Variants in RGS10 observed in about 807,000 individuals in gnomAD.
The protein encoded by RGS10 is regulator of G-protein signalling 10.
A neutral mutation model predicts 23.5 loss-of-function variants in RGS10; 11 were observed. The ratio of observed to expected loss-of-function variants is 0.47; its 90% CI spans 0.29 to 0.77. The LOEUF (loss-of-function observed/expected upper bound fraction) is 0.77. Among genes scored for constraint, RGS10 ranks in the 30% least tolerant of loss-of-function variants. The pLI, the probability that RGS10 is intolerant of heterozygous loss-of-function variation, is 0.08. For missense variants in RGS10, 180 were observed against 226.3 expected (o/e 0.80, Z 1.31); for synonymous variants, 77 against 83.2 (o/e 0.92, Z 0.41).
chr10:119,542,569 C>A, intron 1 of RGS10, 21 bp downstream of exon 1: 10 of 1,395,422 alleles, frequency 7.2e-6, no homozygotes, highest in Non-Finnish European at 9.3e-6. Flanking sequence ...CCCGAGCCCG[C>A]GGGCCCCCGA....
At chr10:119,526,242 T>G in intron 2 of RGS10, 124 bp from the exon 3 acceptor site, 1 of 495,662 alleles carries the variant, frequency 2.0e-6, no homozygotes, top group Non-Finnish European at 3.5e-6. Flanking sequence ...CAGTTACTCT[T>G]CGAAAACCCC....
intron 1 of RGS10, among the ~76,000 whole-genome samples, chr10:119,537,159 G>A (rs943017343): frequency 4.6e-5 from 7 of 152,284 alleles, no homozygotes; most frequent in Admixed American, 3.3e-4. Context: ...TTGGGAGGCC[G>A]AGGCGGGCAG....
intron 4 of RGS10, among the ~76,000 whole-genome samples, chr10:119,508,654 G>A (rs914894379): frequency 3.3e-5 from 5 of 152,206 alleles, no homozygotes; most frequent in African/African-American, 9.7e-5. Flanking sequence ...CAGCCTGAAA[G>A]GACCAATAAC....
At position 119,541,884 on chromosome 10, in the gene RGS10, TGTGATGAGCAAAAGG is replaced by T. The variant is rs550611754; in HGVS notation, c.49+691_49+705del. Among the ~76,000 whole-genome samples, 21 of 152,274 alleles carry T rather than the reference TGTGATGAGCAAAAGG, an allele frequency of 1.4e-4. 1 individual carries two copies. In the South Asian group the frequency reaches 3.1e-3, roughly 23 times the overall value. ...AAAGGCCTGCACAGGTCGTAGCTAT[TGTGATGAGCAAAAGG>T]GTGGAAGGACCGGAATCAAGGGCAC... On this transcript the variant is annotated intron_variant, in intron 1 of 4. Transcript: ENST00000369103.
chr10:119,532,458 T>C (rs1185765332), intron 1 of RGS10, among the ~76,000 whole-genome samples: 1 of 152,134 alleles, frequency 6.6e-6, no homozygotes, highest in Non-Finnish European at 1.5e-5. Flanking sequence ...CTCATGCCTG[T>C]AATACCAGCA....
chr10:119,516,422 G>A (rs1297003843), intron 3 of RGS10: 1 of 152,276 alleles, frequency 6.6e-6, no homozygotes, highest in Non-Finnish European at 1.5e-5. Flanking sequence ...TGAGGACACA[G>A]AGGTCAGGAG....
chr10:119,505,878 C>T (rs1021088402), intron 4 of RGS10, among the ~76,000 whole-genome samples: 2 of 152,208 alleles, frequency 1.3e-5, no homozygotes, highest in South Asian at 2.1e-4. Flanking sequence ...AAACCCTCTG[C>T]CATTTTATTT....
chr10:119,514,596 T>C (rs1276812512), intron 4 of RGS10, among the ~76,000 whole-genome samples: 4 of 144,596 alleles, frequency 2.8e-5, no homozygotes, highest in Non-Finnish European at 4.5e-5. Context: ...AGGCGGAGGT[T>C]GCAGTGAACC....
chr10:119,536,339 G>C (rs1589843505), intron 1 of RGS10: 2 of 765,324 alleles, frequency 2.6e-6, no homozygotes. Context: ...GCTCCTACTG[G>C]CCCTTCCACA....
intron 3 of RGS10, among the ~76,000 whole-genome samples, chr10:119,523,210 A>G (rs1430927580): frequency 6.6e-6 from 1 of 152,176 alleles, no homozygotes; most frequent in Admixed American, 6.5e-5. Flanking sequence ...GAATGGGAAC[A>G]GTGACTCACA....
At chr10:119,535,566 G>A (rs1391265393) in intron 1 of RGS10, among the ~76,000 whole-genome samples, 1 of 152,156 alleles carries the variant, frequency 6.6e-6, no homozygotes, top group African/African-American at 2.4e-5. Flanking sequence ...AACACTCATC[G>A]GAGATGAATG....
chr10:119,537,324 G>A (rs1254095951), intron 1 of RGS10, among the ~76,000 whole-genome samples: 1 of 151,418 alleles, frequency 6.6e-6, no homozygotes, highest in East Asian at 1.9e-4. Flanking sequence ...AGAGGTTGCC[G>A]TGAGCCGAGA....
chr10:119,500,337 T>C (rs1843937973), intron 4 of RGS10, 78 bp from the exon 5 acceptor site: 1 of 1,317,752 alleles, frequency 7.6e-7, no homozygotes. Flanking sequence ...TATGTATTAA[T>C]ACCTACCATG....
At chr10:119,536,327 G>C in intron 1 of RGS10, 2 of 660,266 alleles carry the variant, frequency 3.0e-6, no homozygotes, top group Non-Finnish European at 5.1e-6. Flanking sequence ...AGAAAGCCAA[G>C]TGCTCCTACT....
At chr10:119,512,259 G>A (rs1316106000) in intron 4 of RGS10, among the ~76,000 whole-genome samples, 2 of 152,120 alleles carry the variant, frequency 1.3e-5, no homozygotes, top group Non-Finnish European at 2.9e-5. Flanking sequence ...TGAAAGTTCC[G>A]TGAAATCTTG....
chr10:119,501,946 G>A (rs1427438788), intron 4 of RGS10, among the ~76,000 whole-genome samples: 1 of 151,904 alleles, frequency 6.6e-6, no homozygotes, highest in East Asian at 1.9e-4. Context: ...GGGACTTTAG[G>A]TTTTCTTTAA....
At position 119,527,612 on chromosome 10, in the gene RGS10, C is replaced by G. The variant is rs764735276; in HGVS notation, c.50-188G>C. 3.5e-6 allele frequency: 2 copies of G among 575,368 alleles called. No homozygotes were observed. Among genetic ancestry groups the G allele is most frequent in the Non-Finnish European group, 6.2e-6 (2 of 322,256 alleles). The allele number at this position is 575,368 out of a possible 1,614,324, so 35.6% of individuals were successfully genotyped here. A position where few individuals can be genotyped will look rare whatever the true frequency, so the allele number is the denominator to read the frequency against. The stretch of plus-strand genomic sequence containing the variant: ...ACACAACCCTGTAAGGCAGGCACTA[C>G]TATTTCCTCCATTTTACAGATGGGG... On this transcript the variant is annotated intron_variant, in intron 1 of 4. Transcript: ENST00000369103. This position sits in a 1 kb window ranked among gnomAD's most constrained non-coding sequence, Gnocchi z 4.2.
At chr10:119,516,034 C>T (rs1357179021) in intron 3 of RGS10, among the ~76,000 whole-genome samples, 1 of 152,150 alleles carries the variant, frequency 6.6e-6, no homozygotes, top group Non-Finnish European at 1.5e-5. Flanking sequence ...GATTGATCAC[C>T]TGAGGTCAGG....
chr10:119,542,186 G>A (rs1011938123), intron 1 of RGS10, among the ~76,000 whole-genome samples: 12 of 152,306 alleles, frequency 7.9e-5, no homozygotes, highest in African/African-American at 2.9e-4. Flanking sequence ...GCTCCCCCGG[G>A]CGCTCGGCAT....
Sources: gnomAD v4.1 joint callset for allele counts (sites outside exome capture counted in the v4.1 genomes callset) on GRCh38, gnomAD v4.1.1 for gene constraint, Gnocchi (gnomAD v3.1) non-coding constraint, MANE v1.5 for transcripts, NCBI Gene and HGNC (gene_info 2026-07-23, HGNC 2026-07-21) for gene names.